TNC: variants seen among roughly 807,000 people sequenced by gnomAD.
The protein encoded by TNC is tenascin C, also known as tenascin.
Under a neutral mutation model 202.4 loss-of-function variants are expected in TNC, and 109 were observed. The ratio of observed to expected loss-of-function variants is 0.54; its 90% CI spans 0.46 to 0.63. The LOEUF (loss-of-function observed/expected upper bound fraction) is 0.63, where lower values mean the gene tolerates loss of function less well. Ranked by LOEUF, TNC falls within the 30% of genes least tolerant of loss-of-function variation. The probability of loss-of-function intolerance (pLI) is 0.00; values close to 1 mark genes in which losing one functional copy is unlikely to be tolerated. For synonymous variants in TNC, 1,007 were observed against 1,089.7 expected, an observed-to-expected ratio of 0.92 and a Z score of 1.50; for missense variants, 2,756 against 2,833.3, an observed-to-expected ratio of 0.97 and a Z score of 0.62.
At chr9:115,051,623 G>C (rs959622621) in intron 15 of TNC, among the ~76,000 whole-genome samples, 1 of 144,252 alleles carries the variant, frequency 6.9e-6, no homozygotes, top group Non-Finnish European at 1.5e-5. Flanking sequence ...CAAATTAGCT[G>C]CATCTAGCTG....
rs1342411269 is a variant in TNC at position 115,026,746 on chromosome 9, C to T, written c.6170-51G>A. ...AAGAAGCACAGGTGACTGAGGCCCTCATTTCTATTTCACTCTGTAAAAGCG... is the reference window on the plus strand; with the variant it reads ...AAGAAGCACAGGTGACTGAGGCCCTTATTTCTATTTCACTCTGTAAAAGCG... On this transcript the variant is annotated intron_variant, in intron 25 of 27. Transcript: ENST00000350763. 1.9e-6 allele frequency: 3 copies of T among 1,593,356 alleles called. No homozygotes were observed. In the African/African-American group the frequency reaches 4.0e-5, roughly 21 times the overall value.
rs571839027 is a variant in TNC at position 115,035,460 on chromosome 9, G to A, written c.5657-126C>T. 11 of 980,350 alleles carry A rather than the reference G, an allele frequency of 1.1e-5. No homozygotes were observed. The East Asian group carries it at 2.1e-4, about 19-fold the overall frequency. The allele number at this position is 980,350 out of a possible 1,614,324, so 60.7% of individuals were successfully genotyped here. A position where few individuals can be genotyped will look rare whatever the true frequency, so the allele number is the denominator to read the frequency against. ...CACTGAACTACGTGACCTTTGGCAA[G>A]AACTTCCTCTGTATAAATAAGGTGG... On this transcript the variant is annotated intron_variant, in intron 21 of 27. Coordinates refer to ENST00000350763, the MANE Select transcript of TNC (RefSeq NM_002160.4).
At chr9:115,113,051 G>A (rs1837204306) in intron 1 of TNC, among the ~76,000 whole-genome samples, 2 of 152,164 alleles carry the variant, frequency 1.3e-5, no homozygotes, top group African/African-American at 4.8e-5. Flanking sequence ...TTACATTATG[G>A]GTCACATGCT....
At chr9:115,060,532 T>A (rs1269949870) in intron 13 of TNC, among the ~76,000 whole-genome samples, 1 of 152,246 alleles carries the variant, frequency 6.6e-6, no homozygotes, top group Non-Finnish European at 1.5e-5. Flanking sequence ...AACTTCTTAG[T>A]ATCATACCTG....
At chr9:115,070,370 G>A (rs950298965) in intron 10 of TNC, among the ~76,000 whole-genome samples, 1 of 152,124 alleles carries the variant, frequency 6.6e-6, no homozygotes. Flanking sequence ...GCCCGAGGGT[G>A]GGAGCAGGCT....
chr9:115,037,399 AT>A lies in TNC; in HGVS notation c.5512+861del. Reference sequence around the variant, plus strand: ...TCTCTTTCTCCAGTCTCTTACTTATATTTGATTTTACTTTCTGGCAGCTGTA... The same window carrying A: ...TCTCTTTCTCCAGTCTCTTACTTATATTGATTTTACTTTCTGGCAGCTGTA... On this transcript the variant is annotated intron_variant, in intron 20 of 27. Coordinates refer to ENST00000350763, the MANE Select transcript of TNC (RefSeq NM_002160.4). Among the ~76,000 whole-genome samples, 4 of 152,300 alleles carry A rather than the reference AT, an allele frequency of 2.6e-5. No homozygotes were observed. The Middle Eastern group carries it at 0.01, about 389-fold the overall frequency.
Position 115,057,424 on chromosome 9 carries a change from G to T in TNC, c.4308C>A (p.Ala1436=), listed in dbSNP as rs776196312. 4 of 1,605,412 alleles carry T rather than the reference G, an allele frequency of 2.5e-6. No individual in the cohort carries two copies. The African/African-American group carries it at 5.4e-5, about 22-fold the overall frequency. ...TPVLSAEAST[A]KEPEIGNLNV... is the part of the protein sequence containing the mutation. ...TTAAGTTTCCAATTTCAGGTTCTTT[G>T]GCTGTAAAAGGAAGGGGTAGGGGAG... is the stretch of plus-strand genomic sequence containing the variant. Residue 1436 remains alanine (A), a splice_region_variant and synonymous_variant, in exon 15 of 28, where the codon GCC becomes GCA. Coordinates refer to ENST00000350763, the MANE Select transcript of TNC (RefSeq NM_002160.4).
chr9:115,105,164 C>CA (rs147603069), intron 1 of TNC, among the ~76,000 whole-genome samples: 5 of 152,116 alleles, frequency 3.3e-5, no homozygotes, highest in Non-Finnish European at 5.9e-5. Context: ...ACTCATGAAA[C>CA]AAAAATACGT....
chr9:115,043,702 C>G (rs1362056400), intron 17 of TNC, among the ~76,000 whole-genome samples: 2 of 151,820 alleles, frequency 1.3e-5, no homozygotes, highest in African/African-American at 4.9e-5. Flanking sequence ...TTAAGGTGTC[C>G]CCTAGGAAAG....
intron 7 of TNC, 67 bp downstream of exon 7, chr9:115,077,876 A>G: frequency 2.0e-6 from 3 of 1,521,142 alleles, no homozygotes; most frequent in Non-Finnish European, 2.7e-6. Context: ...ATACCCCAAC[A>G]TGGAGTGGGA....
intron 25 of TNC, among the ~76,000 whole-genome samples, chr9:115,027,318 G>A (rs189793873): frequency 3.3e-5 from 5 of 151,546 alleles, no homozygotes; most frequent in Non-Finnish European, 7.4e-5. Flanking sequence ...GGCCAGGCAC[G>A]GTGGCTCACG....
chr9:115,051,274 G>A (rs1218881606), intron 15 of TNC, among the ~76,000 whole-genome samples: 2 of 152,020 alleles, frequency 1.3e-5, no homozygotes, highest in African/African-American at 4.8e-5. Context: ...AAATTTATCT[G>A]CCATCTGAGG....
chr9:115,021,121 G>C lies in TNC; in HGVS notation c.*36C>G. 6.6e-7 allele frequency: 1 copy of C among 1,516,290 alleles called. No individual in the cohort carries two copies. The allele number at this position is 1,516,290 out of a possible 1,614,324, so 93.9% of individuals were successfully genotyped here. On this transcript the variant is annotated 3_prime_UTR_variant, in exon 28 of 28. Coordinates refer to ENST00000350763, the MANE Select transcript of TNC (RefSeq NM_002160.4). The stretch of plus-strand genomic sequence containing the variant: ...TTGGTAAAATCCTTTCCTCGCTCTG[G>C]GCCTTATTCCTCTCTCACCCAGTGG...
chr9:115,035,360 C>T (rs371518854), intron 21 of TNC, 26 bp from the exon 22 acceptor site: 35 of 1,592,644 alleles, frequency 2.2e-5, no homozygotes, highest in Non-Finnish European at 2.7e-5. Flanking sequence ...TGATTAATAT[C>T]GGATAAGATC....
At chr9:115,052,656 T>C (rs1205747074) in intron 15 of TNC, 1 of 625,534 alleles carries the variant, frequency 1.6e-6, no homozygotes, top group Non-Finnish European at 2.9e-6. Flanking sequence ...GCAGTGAAGA[T>C]TGTATTTTTG....
intron 1 of TNC, among the ~76,000 whole-genome samples, chr9:115,113,200 C>G (rs952061802): frequency 6.6e-6 from 1 of 152,120 alleles, no homozygotes; most frequent in African/African-American, 2.4e-5. Flanking sequence ...CTGTGTCTAG[C>G]CCTCTCTCTT....
chr9:115,094,817 CTGTG>C lies in TNC; in HGVS notation c.-136-3667_-136-3664del, dbSNP rs1166113704. On this transcript the variant is annotated intron_variant, in intron 1 of 27. Coordinates refer to ENST00000350763, the MANE Select transcript of TNC (RefSeq NM_002160.4). ...GCCCCTAAGGACAGAACAAGTGCCTCTGTGTGTGTGTGTGTGTGTGTGTGTGTGT... is the reference window on the plus strand; with the variant it reads ...GCCCCTAAGGACAGAACAAGTGCCTCTGTGTGTGTGTGTGTGTGTGTGTGT... 8.5e-3 allele frequency among the ~76,000 whole-genome samples: 255 copies of C among 29,856 alleles called. 1 individual carries two copies. Among genetic ancestry groups the C allele is most frequent in the African/African-American group, 0.023 (233 of 10,222 alleles). 19.6% of individuals were successfully genotyped at this position (29,856 alleles called of 152,430 possible). A position where few individuals can be genotyped will look rare whatever the true frequency, so the allele number is the denominator to read the frequency against.
intron 1 of TNC, among the ~76,000 whole-genome samples, chr9:115,107,698 A>G (rs1315270208): frequency 6.6e-6 from 1 of 152,202 alleles, no homozygotes; most frequent in African/African-American, 2.4e-5. Context: ...GTCTGCTTTC[A>G]ACTACATTGA....
intron 17 of TNC, among the ~76,000 whole-genome samples, chr9:115,043,798 C>G (rs537897160): frequency 1.3e-5 from 2 of 152,188 alleles, no homozygotes; most frequent in Non-Finnish European, 2.9e-5. Flanking sequence ...TGAGGACTTC[C>G]CTCTGCCAAC....
Sources: allele counts gnomAD v4.1 joint callset (sites outside exome capture counted in the v4.1 genomes callset), GRCh38; gene constraint gnomAD v4.1.1; transcripts MANE v1.5; gene names NCBI Gene and HGNC (gene_info 2026-07-23, HGNC 2026-07-21).